The following RNF144A variants were observed in gnomAD, a reference collection of about 807,000 sequenced individuals.
RNF144A encodes the protein ring finger protein 144A.
RNF144A carries 11 observed loss-of-function variants against 38.7 expected under a neutral mutation model. That is an observed-to-expected ratio of 0.28 (90% confidence interval 0.18 to 0.47). The LOEUF (loss-of-function observed/expected upper bound fraction) is 0.47, where lower values mean the gene tolerates loss of function less well. RNF144A is among the 20% of genes least tolerant of loss of function. The pLI, the probability that RNF144A is intolerant of heterozygous loss-of-function variation, is 0.99. For missense variants in RNF144A, 316 were observed against 377.2 expected (o/e 0.84, Z 1.34); for synonymous variants, 149 against 143.9 (o/e 1.04, Z -0.25).
At chr2:7,020,740 T>C in intron 6 of RNF144A, 60 bp downstream of exon 6, 1 of 1,508,388 alleles carries the variant, frequency 6.6e-7, no homozygotes, top group South Asian at 1.1e-5. Flanking sequence ...GAAGCAGGCA[T>C]GCTTTCTTCC....
intron 7 of RNF144A, among the ~76,000 whole-genome samples, chr2:7,028,279 C>G (rs377385519): frequency 1.4e-4 from 22 of 152,198 alleles, no homozygotes; most frequent in East Asian, 5.8e-4. Flanking sequence ...CGTGGCCTGG[C>G]CAGAGATGCT....
chr2:7,062,524 A>G (rs1420655457), intron 6 of RNF144A, among the ~76,000 whole-genome samples: 1 of 151,990 alleles, frequency 6.6e-6, no homozygotes, highest in East Asian at 1.9e-4. Context: ...AAAAGAAAGA[A>G]ATAGAAAGAG....
chr2:6,976,567 A>G (rs913695831), intron 2 of RNF144A, among the ~76,000 whole-genome samples: 30 of 149,394 alleles, frequency 2.0e-4, no homozygotes, highest in African/African-American at 6.1e-4. Context: ...TTATATATAT[A>G]TGAATTTCAT....
downstream of RNF144A, among the ~76,000 whole-genome samples, chr2:7,069,455 T>C (rs1397041318): frequency 6.6e-6 from 1 of 152,206 alleles, no homozygotes; most frequent in African/African-American, 2.4e-5. Context: ...TCTGAGTGGC[T>C]TCAATACCTT....
intron 3 of RNF144A, among the ~76,000 whole-genome samples, chr2:7,013,138 C>G (rs538730658): frequency 6.6e-6 from 1 of 152,268 alleles, no homozygotes; most frequent in East Asian, 1.9e-4. Flanking sequence ...CAGTTTAGAT[C>G]AAATTATTCT....
intron 8 of RNF144A, among the ~76,000 whole-genome samples, chr2:7,031,808 C>T (rs1373098216): frequency 1.3e-5 from 2 of 152,264 alleles, no homozygotes; most frequent in African/African-American, 4.8e-5. Context: ...AGAGCAGATG[C>T]TGAGCATTCT....
intron 3 of RNF144A, among the ~76,000 whole-genome samples, chr2:7,004,161 G>A (rs568351104): frequency 4.5e-4 from 69 of 152,336 alleles, no homozygotes; most frequent in African/African-American, 1.6e-3. Flanking sequence ...TCTTCCTGCG[G>A]CCTGTGTGGA....
intron 2 of RNF144A, among the ~76,000 whole-genome samples, chr2:6,974,230 A>G (rs1208119512): frequency 1.3e-5 from 2 of 152,228 alleles, no homozygotes; most frequent in African/African-American, 4.8e-5. Context: ...GATTCTGCAC[A>G]TTGTCAAGAT....
chr2:7,040,110 G>A lies in RNF144A; in HGVS notation c.*350G>A. On this transcript the variant is annotated 3_prime_UTR_variant, in exon 9 of 9. Transcript: ENST00000320892. Reference sequence around the variant, plus strand: ...ACTTTCTGCTCCTTGGCTTCTAGATGGCACCATGTTGTCAGAGAAGTCTTT... The same window carrying A: ...ACTTTCTGCTCCTTGGCTTCTAGATAGCACCATGTTGTCAGAGAAGTCTTT... The A allele has an allele frequency of 9.8e-7, 1 of 1,025,600 alleles. No individual in the cohort carries two copies. The allele number at this position is 1,025,600 out of a possible 1,614,324, so 63.5% of individuals were successfully genotyped here.
At chr2:7,033,938 C>T (rs1054739965) in intron 8 of RNF144A, among the ~76,000 whole-genome samples, 9 of 152,280 alleles carry the variant, frequency 5.9e-5, no homozygotes, top group African/African-American at 1.4e-4. Context: ...TAATGGTCCT[C>T]GTGCCTTCGG....
chr2:6,985,111 T>C (rs1267099654), intron 2 of RNF144A, among the ~76,000 whole-genome samples: 1 of 152,200 alleles, frequency 6.6e-6, no homozygotes, highest in African/African-American at 2.4e-5. Context: ...ACAGGAAATC[T>C]TCTCTATGTA....
At chr2:6,951,885 CTTA>C (rs1250185962) in intron 2 of RNF144A, among the ~76,000 whole-genome samples, 3 of 151,976 alleles carry the variant, frequency 2.0e-5, no homozygotes, top group Non-Finnish European at 2.9e-5. Context: ...ATTTTCAATT[CTTA>C]TAGTTTCTCT....
chr2:6,988,223 A>G (rs537518515), intron 2 of RNF144A, among the ~76,000 whole-genome samples: 1 of 152,362 alleles, frequency 6.6e-6, no homozygotes, highest in South Asian at 2.1e-4. Context: ...CATAAACCTC[A>G]TGCCCAGCTT....
intron 5 of RNF144A, among the ~76,000 whole-genome samples, chr2:7,019,492 C>G (rs1469179633): frequency 6.6e-6 from 1 of 152,200 alleles, no homozygotes; most frequent in East Asian, 1.9e-4. Context: ...GTCTCTGAAA[C>G]TCAGTTGTCC....
chr2:7,043,508 G>T lies in RNF144A; in HGVS notation c.*3748G>T, dbSNP rs553727336. 7.5e-4 allele frequency: 737 copies of T among 985,612 alleles called. No homozygotes were observed. Among genetic ancestry groups the T allele is most frequent in the Non-Finnish European group, 8.5e-4 (706 of 829,800 alleles). The allele number at this position is 985,612 out of a possible 1,614,324, so 61.1% of individuals were successfully genotyped here. Reference sequence around the variant, plus strand: ...GGAGATCATCAAGGGAAAACATTTTGCATGTGTAAAGCTTCATGAAGTTCT... The same window carrying T: ...GGAGATCATCAAGGGAAAACATTTTTCATGTGTAAAGCTTCATGAAGTTCT... On this transcript the variant is annotated 3_prime_UTR_variant, in exon 9 of 9. Coordinates refer to ENST00000320892, the MANE Select transcript of RNF144A (RefSeq NM_014746.6).
At chr2:7,029,431 G>A (rs1401226584) in intron 7 of RNF144A, among the ~76,000 whole-genome samples, 1 of 152,204 alleles carries the variant, frequency 6.6e-6, no homozygotes, top group Non-Finnish European at 1.5e-5. Context: ...AAATGGAGGT[G>A]GGGTGGAGAA....
intron 8 of RNF144A, among the ~76,000 whole-genome samples, chr2:7,031,042 A>G (rs403196): frequency 0.23 from 34,208 of 152,014 alleles, 4,629 homozygotes; most frequent in Admixed American, 0.31. Flanking sequence ...CGGTAACGTG[A>G]GCAATGGGGA....
At position 7,020,577 on chromosome 2, in the gene RNF144A, A is replaced by C. The variant is rs1258459703; in HGVS notation, c.406A>C (p.Lys136Gln). The change falls in exon 6 of 9, where the codon AAA (lysine) becomes CAA (glutamine). Residue 136 changes from lysine (K) to glutamine (Q), a missense_variant. Physicochemically the swap from Lys to Gln is moderately conservative, Grantham distance 53. Coordinates refer to ENST00000320892, the MANE Select transcript of RNF144A (RefSeq NM_014746.6). The stretch of plus-strand genomic sequence containing the variant: ...GCAGACCCCCCAGCCAGTGCAGTGC[A>C]AAGCCTGCCGTATGGAATTCTGCTC... ...GLQTPQPVQCKACRMEFCSTC... is the reference protein window; with the variant it reads ...GLQTPQPVQCQACRMEFCSTC... 1.7e-5 allele frequency: 27 copies of C among 1,612,840 alleles called. No individual in the cohort carries two copies. Among genetic ancestry groups the C allele is most frequent in the Non-Finnish European group, 2.2e-5 (26 of 1,180,004 alleles).
rs3772011 is a variant in RNF144A, at chr2:6,959,108, G to A, written c.-12+17961G>A. On this transcript the variant is annotated intron_variant, in intron 2 of 8. Coordinates refer to ENST00000320892, the MANE Select transcript of RNF144A (RefSeq NM_014746.6). ...TAAACTCCCTCAGTGAGAGGACAGG[G>A]CCTCTGCATCCCTGTGGCCAAGTCA... Among the ~76,000 whole-genome samples the A allele has an allele frequency of 1.9e-3, 294 of 152,234 alleles. 1 individual carries two copies. The highest frequency in any genetic ancestry group is 6.8e-3 in the African/African-American group (284 of 41,528).
Sources: gnomAD v4.1 joint callset for allele counts (sites outside exome capture counted in the v4.1 genomes callset) on GRCh38, gnomAD v4.1.1 for gene constraint, MANE v1.5 for transcripts, NCBI Gene and HGNC (gene_info 2026-07-23, HGNC 2026-07-21) for gene names.